Variants in PCDH15 observed in about 807,000 individuals in gnomAD.
PCDH15 encodes protocadherin-15.
Under a neutral mutation model 178.5 loss-of-function variants are expected in PCDH15, and 129 were observed. The observed-to-expected ratio is 0.72, with a 90% CI of 0.63 to 0.84. The LOEUF is 0.84. Ranked by LOEUF, PCDH15 falls within the 40% of genes least tolerant of loss-of-function variation. PCDH15 has a pLI of 0.00. For missense variants in PCDH15, 2,230 were observed against 2,099.9 expected (o/e 1.06, Z -1.21); for synonymous variants, 800 against 732.0 (o/e 1.09, Z -1.50).
At chr10:55,592,058 T>C (rs763640499) in intron 2 of PCDH15, among the ~76,000 whole-genome samples, 6 of 152,174 alleles carry the variant, frequency 3.9e-5, no homozygotes, top group Non-Finnish European at 5.9e-5. Flanking sequence ...ACATAACGTA[T>C]TTCTAGTAGA....
At chr10:54,167,465 C>A (rs1000979559) in intron 13 of PCDH15, among the ~76,000 whole-genome samples, 5 of 152,132 alleles carry the variant, frequency 3.3e-5, no homozygotes, top group African/African-American at 1.2e-4. Flanking sequence ...AGGCAGCCTT[C>A]CCTTGGTGTT....
intron 2 of PCDH15, among the ~76,000 whole-genome samples, chr10:54,920,373 G>A (rs1837453835): frequency 6.7e-6 from 1 of 148,828 alleles, no homozygotes; most frequent in Non-Finnish European, 1.5e-5. Context: ...GGGAGATGAG[G>A]CAGGATAATG....
At chr10:54,285,541 C>T (rs544848770) in intron 8 of PCDH15, among the ~76,000 whole-genome samples, 59 of 152,052 alleles carry the variant, frequency 3.9e-4, no homozygotes, top group Admixed American at 3.3e-3. Flanking sequence ...CATCCCAATT[C>T]GAATATTATC....
At chr10:53,906,205 TA>T (rs79491382) in intron 25 of PCDH15, among the ~76,000 whole-genome samples, 3,249 of 151,810 alleles carry the variant, frequency 0.021, 106 homozygotes, top group East Asian at 0.13. Flanking sequence ...GATGTTAGAA[TA>T]AAAAAAATTG....
At chr10:55,363,942 T>G (rs1845292239) in intron 2 of PCDH15, among the ~76,000 whole-genome samples, 1 of 152,072 alleles carries the variant, frequency 6.6e-6, no homozygotes, top group African/African-American at 2.4e-5. Flanking sequence ...CAGCCTGTTT[T>G]TGTCCCCATC....
At chr10:54,611,571 A>G (rs892075072) in intron 2 of PCDH15, among the ~76,000 whole-genome samples, 9 of 151,910 alleles carry the variant, frequency 5.9e-5, no homozygotes, top group African/African-American at 2.2e-4. Flanking sequence ...GTTAAGGAGA[A>G]CAGAATTCAA....
intron 2 of PCDH15, among the ~76,000 whole-genome samples, chr10:55,431,835 G>A (rs1157308630): frequency 6.6e-6 from 1 of 151,874 alleles, no homozygotes; most frequent in Non-Finnish European, 1.5e-5. Context: ...GATTAGTAAA[G>A]CCTCTTACAC....
Position 54,194,579 on chromosome 10 carries a change from C to T in PCDH15, c.1305+1104G>A, listed in dbSNP as rs571045333. ...CATATAGTTATGCTTATAATCCAAA[C>T]ACAGTTGTATTTACTTGCTGTTTTA... On this transcript the variant is annotated intron_variant, in intron 11 of 37. Coordinates refer to ENST00000644397, the MANE Select transcript of PCDH15 (RefSeq NM_001384140.1). Among the ~76,000 whole-genome samples, 5 of 151,382 alleles carry T rather than the reference C, an allele frequency of 3.3e-5. No homozygotes were observed. In the South Asian group the frequency reaches 1.0e-3, roughly 32 times the overall value.
chr10:54,052,129 C>T (rs955126608), intron 18 of PCDH15, among the ~76,000 whole-genome samples: 62 of 152,270 alleles, frequency 4.1e-4, no homozygotes, highest in Admixed American at 3.3e-3. Context: ...ACCTCTGCTA[C>T]GGTAGTGCAG....
intron 1 of PCDH15, among the ~76,000 whole-genome samples, chr10:54,751,890 A>C (rs906433336): frequency 4.6e-5 from 7 of 152,158 alleles, no homozygotes; most frequent in Non-Finnish European, 1.5e-5. Context: ...ATATTATAAA[A>C]AGGGTATCAC....
chr10:54,253,234 A>C (rs2056639479), intron 8 of PCDH15, among the ~76,000 whole-genome samples: 1 of 152,058 alleles, frequency 6.6e-6, no homozygotes, highest in East Asian at 1.9e-4. Flanking sequence ...TTTGATATTA[A>C]TTTTCATATG....
chr10:53,962,237 T>A (rs1267610974), intron 21 of PCDH15, among the ~76,000 whole-genome samples: 1 of 152,080 alleles, frequency 6.6e-6, no homozygotes, highest in African/African-American at 2.4e-5. Context: ...AGAGACAGGG[T>A]CTTCCTTTGT....
At chr10:54,098,190 TTGTGTG>T (rs35596789) in intron 15 of PCDH15, among the ~76,000 whole-genome samples, 6,737 of 143,118 alleles carry the variant, frequency 0.047, 173 homozygotes, top group African/African-American at 0.07. Flanking sequence ...GAAAATAAAG[TTGTGTG>T]TGTGTGTGTG....
chr10:55,163,795 A>G (rs959764880), intron 2 of PCDH15, among the ~76,000 whole-genome samples: 6 of 152,176 alleles, frequency 3.9e-5, no homozygotes, highest in African/African-American at 1.4e-4. Context: ...TATATGGTCT[A>G]AAACGGCAGG....
intron 1 of PCDH15, among the ~76,000 whole-genome samples, chr10:54,733,469 G>T (rs1382421302): frequency 6.6e-6 from 1 of 151,156 alleles, no homozygotes; most frequent in South Asian, 2.1e-4. Context: ...ATGAAAGAAG[G>T]CCTAAGTGAT....
intron 3 of PCDH15, among the ~76,000 whole-genome samples, chr10:54,449,744 T>C (rs1413118803): frequency 6.6e-6 from 1 of 151,832 alleles, no homozygotes; most frequent in Non-Finnish European, 1.5e-5. Flanking sequence ...GGATTTAAAA[T>C]ATATGAGAGA....
At position 54,376,162 on chromosome 10, in the gene PCDH15, TG is replaced by T. The variant is rs572688362; in HGVS notation, c.318+2619del. Among the ~76,000 whole-genome samples the T allele has an allele frequency of 6.9e-4, 105 of 151,852 alleles. 1 individual carries two copies. The highest frequency in any genetic ancestry group is 2.3e-3 in the African/African-American group (94 of 41,536). On this transcript the variant is annotated intron_variant, in intron 4 of 37. Transcript: ENST00000644397. Reference sequence around the variant, plus strand: ...AACTGGCCTTGGCCTCCCAAAGTGCTGGGATTACAGGCATGAGCCATCACAC... The same window carrying T: ...AACTGGCCTTGGCCTCCCAAAGTGCTGGATTACAGGCATGAGCCATCACAC...
rs1281047017 is a variant in PCDH15, at chr10:54,775,171, TAATA to T, written c.-29+25750_-29+25753del. ...AGGAGAGAATGCCTCAAAAATGTGG[TAATA>T]AATACCTGTGGGAAAATCTTAAGTT... On this transcript the variant is annotated intron_variant, in intron 1 of 37. Transcript: ENST00000644397. Among the ~76,000 whole-genome samples the T allele has an allele frequency of 2.0e-5, 3 of 152,208 alleles. No homozygotes were observed. The East Asian group carries it at 5.8e-4, about 29-fold the overall frequency.
chr10:54,663,765 C>A (rs1565886941), intron 2 of PCDH15, among the ~76,000 whole-genome samples: 1 of 150,264 alleles, frequency 6.7e-6, no homozygotes, highest in East Asian at 1.9e-4. Context: ...CAACTTATGG[C>A]TGCTACTTCT....
Sources: gnomAD v4.1 joint callset for allele counts (sites outside exome capture counted in the v4.1 genomes callset) on GRCh38, gnomAD v4.1.1 for gene constraint, MANE v1.5 for transcripts, NCBI Gene and HGNC (gene_info 2026-07-23, HGNC 2026-07-21) for gene names.